Variants in SALL1 observed in about 807,000 individuals in gnomAD.
SALL1 encodes spalt like transcription factor 1, also known as sal-like protein 1.
A neutral mutation model predicts 73.1 loss-of-function variants in SALL1; 10 were observed. The ratio of observed to expected loss-of-function variants is 0.14; its 90% confidence interval spans 0.08 to 0.23. The LOEUF is 0.23. SALL1 is among the 10% of genes least tolerant of loss of function. The pLI, the probability that SALL1 is intolerant of heterozygous loss-of-function variation, is 1.00. For missense variants in SALL1, 1,520 were observed against 1,697.3 expected, an observed-to-expected ratio of 0.90 and a Z score of 1.84; for synonymous variants, 688 against 689.8, an observed-to-expected ratio of 1.00 and a Z score of 0.04.
rs374166565 is a variant in SALL1, at chr16:51,138,892, A to G, written c.3330T>C (p.Ser1110=). 24 of 1,614,090 alleles carry G rather than the reference A, an allele frequency of 1.5e-5. No homozygotes were observed. The African/African-American group carries it at 2.8e-4, about 19-fold the overall frequency. Residue 1110 remains serine (S), a synonymous_variant, in exon 2 of 3, where the codon TCT becomes TCC. Coordinates refer to ENST00000251020, the MANE Select transcript of SALL1 (RefSeq NM_002968.3). ...SKDTPTSHVP[S]GPLSSSATSP... ...ATGTGGCAGAGGAAGACAGAGGCCC[A>G]GACGGGACGTGACTGGTGGGGGTGT...
At position 51,140,555 on chromosome 16, in the gene SALL1, C is replaced by A; in HGVS notation, c.1667G>T (p.Gly556Val). 6.2e-7 allele frequency: 1 copy of A among 1,613,730 alleles called. No homozygotes were observed. Among genetic ancestry groups the A allele is most frequent in the Non-Finnish European group, 8.5e-7 (1 of 1,179,858 alleles). Residue 556 changes from glycine to valine, a missense_variant, in exon 2 of 3, where the codon GGC becomes GTC. Gly to Val is a moderately radical substitution (Grantham distance 109). Around this residue, in one of 7 missense-constraint regions of SALL1, gnomAD observed 276 missense variants for 259.1 expected, o/e 1.07. Transcript: ENST00000251020. This position sits in a 1 kb window ranked among gnomAD's most constrained non-coding sequence, Gnocchi z 5.7. Reference sequence around the variant, plus strand: ...TGGGAGGGTTGGGGGCAACGGCAGGCCGACTGAAGTGGTCAGAGTAGGCAG... The same window carrying A: ...TGGGAGGGTTGGGGGCAACGGCAGGACGACTGAAGTGGTCAGAGTAGGCAG... The part of the protein sequence containing the change: ...PVLPTLTTSV[G>V]LPLPPTLPSL...
In SALL1 at chr16:51,137,247, T is replaced by C; in HGVS notation, c.3840A>G (p.Gly1280=). The change falls in exon 3 of 3, where the codon GGA becomes GGG. Residue 1280 remains glycine, a synonymous_variant. Transcript: ENST00000251020. ...GNSSPVSGLT[G]NLERLQNSEP... is the part of the protein sequence containing the mutation. ...CTGAGTTCTGGAGCCTCTCCAGGTT[T>C]CCCGTCAGCCCACTAACAGGTGAGC... is the stretch of plus-strand genomic sequence containing the variant. 2 of 1,614,074 alleles carry C rather than the reference T, an allele frequency of 1.2e-6. No individual in the cohort carries two copies. Among genetic ancestry groups the C allele is most frequent in the South Asian group, 1.1e-5 (1 of 91,070 alleles).
Position 51,140,268 on chromosome 16 carries a change from C to G in SALL1, c.1954G>C (p.Ala652Pro). 6.2e-7 allele frequency: 1 copy of G among 1,614,162 alleles called. No homozygotes were observed. The highest frequency in any genetic ancestry group is 8.5e-7 in the Non-Finnish European group (1 of 1,180,044). Residue 652 changes from alanine (A) to proline (P), a missense_variant, in exon 2 of 3, where the codon GCG (alanine) becomes CCG (proline). By Grantham distance (27) the Ala-to-Pro change is conservative. Around this residue, in one of 7 missense-constraint regions of SALL1, gnomAD observed 276 missense variants for 259.1 expected, o/e 1.07. Coordinates refer to ENST00000251020, the MANE Select transcript of SALL1 (RefSeq NM_002968.3). This position sits in a 1 kb window ranked among gnomAD's most constrained non-coding sequence, Gnocchi z 5.7. ...LSSPAADCGP[A>P]GSATTFTNPL... ...TTGGTGAAGGTGGTGGCACTGCCCG[C>G]GGGGCCGCAGTCTGCCGCTGGGGAG...
At chr16:51,150,635 C>A (rs1450370681) in intron 1 of SALL1, 10 of 944,952 alleles carry the variant, frequency 1.1e-5, no homozygotes, top group Non-Finnish European at 1.3e-5. Context: ...GGGGAGTGTG[C>A]GTGGGGGCAG....
upstream of SALL1, chr16:51,152,159 A>T (rs1789853256): frequency 6.6e-6 from 1 of 151,814 alleles, no homozygotes; most frequent in African/African-American, 2.4e-5. Flanking sequence ...GGGCGCGGAG[A>T]AGAGGATCCA....
upstream of SALL1, among the ~76,000 whole-genome samples, chr16:51,151,677 C>A (rs111422492): frequency 4.0e-5 from 6 of 151,340 alleles, no homozygotes; most frequent in Non-Finnish European, 7.4e-5. Context: ...CTCTCCACTG[C>A]GGGCCCGGCG....
At chr16:51,142,869 C>T (rs1962464936) in intron 1 of SALL1, among the ~76,000 whole-genome samples, 1 of 152,156 alleles carries the variant, frequency 6.6e-6, no homozygotes, top group Non-Finnish European at 1.5e-5. Flanking sequence ...TATATATCAC[C>T]CCATGGCATG....
At chr16:51,143,659 A>C (rs1962476351) in intron 1 of SALL1, among the ~76,000 whole-genome samples, 1 of 152,188 alleles carries the variant, frequency 6.6e-6, no homozygotes. Context: ...TAAAAACTTG[A>C]CTAGTTTTGC....
At chr16:51,151,811 CGGGTGGG>C (rs1962618561), upstream of SALL1, among the ~76,000 whole-genome samples, 1 of 150,170 alleles carries the variant, frequency 6.7e-6, no homozygotes, top group Admixed American at 6.6e-5. Context: ...TGAGCCGCCC[CGGGTGGG>C]GGGTGGGGCC....
At position 51,141,130 on chromosome 16, in the gene SALL1, A is replaced by G. The variant is rs1022590105; in HGVS notation, c.1092T>C (p.His364=). 3.1e-6 allele frequency: 5 copies of G among 1,614,110 alleles called. No individual in the cohort carries two copies. Among genetic ancestry groups the G allele is most frequent in the Non-Finnish European group, 4.2e-6 (5 of 1,180,042 alleles). ...ATGATGAGACCGCTGGGTTGCTGACATGGGAGGCCCCAGCACTTGAAGCCA... is the reference window on the plus strand; with the variant it reads ...ATGATGAGACCGCTGGGTTGCTGACGTGGGAGGCCCCAGCACTTGAAGCCA... The part of the protein sequence containing the change: ...EKVASSAGAS[H]VSNPAVSSSS... Residue 364 remains histidine, a synonymous_variant, in exon 2 of 3, where the codon CAT becomes CAC. Transcript: ENST00000251020. The surrounding 1 kb of genome is among the most constrained non-coding windows in gnomAD (Gnocchi z 5.4).
chr16:51,151,589 G>T (rs1451414645), upstream of SALL1, among the ~76,000 whole-genome samples: 1 of 151,456 alleles, frequency 6.6e-6, no homozygotes, highest in African/African-American at 2.4e-5. Flanking sequence ...GGCTCTGCGC[G>T]CCGCGCCGCC....
In SALL1 at chr16:51,140,484, T is replaced by C. The variant is rs761575154; in HGVS notation, c.1738A>G (p.Ile580Val). The C allele has an allele frequency of 1.7e-5, 27 of 1,613,448 alleles. No homozygotes were observed. The Admixed American group carries it at 2.5e-4, about 15-fold the overall frequency. Residue 580 changes from isoleucine (I) to valine (V), a missense_variant, in exon 2 of 3, where the codon ATC (isoleucine) becomes GTC (valine). Physicochemically the swap from Ile to Val is conservative, Grantham distance 29 (BLOSUM62 3). Coordinates refer to ENST00000251020, the MANE Select transcript of SALL1 (RefSeq NM_002968.3). This position sits in a 1 kb window ranked among gnomAD's most constrained non-coding sequence, Gnocchi z 5.7. ...GGGGGGCTGGTGGCAGAATGGCTGA[T>C]GGGGATGGGGGCTGGCTCTTCCGTC... ...IKTEEPAPIP[I>V]SHSATSPPGS...
At chr16:51,150,907 TC>T (rs1567319369) in intron 1 of SALL1, 1 of 368,336 alleles carries the variant, frequency 2.7e-6, no homozygotes, top group Non-Finnish European at 4.8e-6. Flanking sequence ...CCGCCCTCCT[TC>T]CCCCGGGAGG....
rs1229970459 is a variant in SALL1, at chr16:51,137,213, C to T, written c.3874G>A (p.Ala1292Thr). The change falls in exon 3 of 3, where the codon GCT becomes ACT. Residue 1292 changes from alanine to threonine, a missense_variant. Coordinates refer to ENST00000251020, the MANE Select transcript of SALL1 (RefSeq NM_002968.3). ...ATTTTCTCCAGGCCGGCCAGGGGAG[C>T]ATTGGGCTCTGAGTTCTGGAGCCTC... ...LERLQNSEPNAPLAGLEKMAS... is the reference protein window; with the variant it reads ...LERLQNSEPNTPLAGLEKMAS... 6.2e-7 allele frequency: 1 copy of T among 1,614,142 alleles called. No homozygotes were observed. The highest frequency in any genetic ancestry group is 8.5e-7 in the Non-Finnish European group (1 of 1,180,014).
At position 51,141,781 on chromosome 16, in the gene SALL1, G is replaced by A. The variant is rs759480625; in HGVS notation, c.441C>T (p.Thr147=). 9.9e-6 allele frequency: 16 copies of A among 1,613,008 alleles called. No homozygotes were observed. Among genetic ancestry groups the A allele is most frequent in the African/African-American group, 5.4e-5 (4 of 74,452 alleles). The change falls in exon 2 of 3, where the codon ACC becomes ACT. Residue 147 remains threonine, a synonymous_variant. Transcript: ENST00000251020. This position sits in a 1 kb window ranked among gnomAD's most constrained non-coding sequence, Gnocchi z 5.4. ...SGTSSGSHSS[T]APSSSSSSSS... is the part of the protein sequence containing the mutation. Reference sequence around the variant, plus strand: ...TGCTGCTGCTGCTGCTGCTTGGGGCGGTACTGCTGTGGCTGCCGCTGGAAG... The same window carrying A: ...TGCTGCTGCTGCTGCTGCTTGGGGCAGTACTGCTGTGGCTGCCGCTGGAAG...
chr16:51,142,244 C>T (rs1035140065), intron 1 of SALL1, 99 bp from the exon 2 acceptor site: 57 of 893,646 alleles, frequency 6.4e-5, no homozygotes, highest in Admixed American at 1.9e-4. Flanking sequence ...TTTCCACCTG[C>T]AAAACTCAAA....
chr16:51,145,187 T>TAC (rs1284180485), intron 1 of SALL1, among the ~76,000 whole-genome samples: 1 of 138,082 alleles, frequency 7.2e-6, no homozygotes, highest in South Asian at 2.5e-4. Context: ...CACACACACA[T>TAC]ACACACACAT....
rs1311280929 is a variant in SALL1, at chr16:51,140,635, G to A, written c.1587C>T (p.Gly529=). The A allele has an allele frequency of 4.3e-6, 7 of 1,614,184 alleles. No homozygotes were observed. Among genetic ancestry groups the A allele is most frequent in the Admixed American group, 1.7e-5 (1 of 60,020 alleles). ...NIPTSTGIPY[G]MSIPPEKPVT... Reference sequence around the variant, plus strand: ...CTGGCTTCTCTGGAGGGATGGACATGCCATATGGGATGCCAGTACTCGTGG... The same window carrying A: ...CTGGCTTCTCTGGAGGGATGGACATACCATATGGGATGCCAGTACTCGTGG... Residue 529 remains glycine (G), a synonymous_variant, in exon 2 of 3, where the codon GGC becomes GGT. Transcript: ENST00000251020. The surrounding 1 kb of genome is among the most constrained non-coding windows in gnomAD (Gnocchi z 5.7).
At position 51,140,328 on chromosome 16, in the gene SALL1, T is replaced by G; in HGVS notation, c.1894A>C (p.Asn632His). The change falls in exon 2 of 3, where the codon AAC becomes CAC. Residue 632 changes from asparagine to histidine, a missense_variant. Coordinates refer to ENST00000251020, the MANE Select transcript of SALL1 (RefSeq NM_002968.3). This position sits in a 1 kb window ranked among gnomAD's most constrained non-coding sequence, Gnocchi z 5.7. ...GKSEESGMVT[N>H]SVPTASSSVL... Reference sequence around the variant, plus strand: ...CTACTGCTCGCCGTCGGGACTGAGTTGGTGACCATGCCACTCTCTTCGCTT... The same window carrying G: ...CTACTGCTCGCCGTCGGGACTGAGTGGGTGACCATGCCACTCTCTTCGCTT... 1 of 1,614,118 alleles carries G rather than the reference T, an allele frequency of 6.2e-7. No individual in the cohort carries two copies. Among genetic ancestry groups the G allele is most frequent in the East Asian group, 2.2e-5 (1 of 44,878 alleles).
Sources: allele counts gnomAD v4.1 joint callset (sites outside exome capture counted in the v4.1 genomes callset), GRCh38; gene constraint gnomAD v4.1.1; regional missense constraint gnomAD v4.1.1; non-coding constraint Gnocchi (gnomAD v3.1); transcripts MANE v1.5; gene names NCBI Gene and HGNC (gene_info 2026-07-23, HGNC 2026-07-21).